The following NNT variants were observed in gnomAD, a reference collection of about 807,000 sequenced individuals.
The protein encoded by NNT is NAD(P) transhydrogenase, mitochondrial.
In NNT, 50 loss-of-function variants were observed where a neutral mutation model predicts 104.8. That is an observed-to-expected ratio of 0.48 (90% CI 0.38 to 0.60). The LOEUF is 0.60. Ranked by LOEUF, NNT falls within the 20% of genes least tolerant of loss-of-function variation. NNT has a pLI of 0.00. For missense variants in NNT, 1,131 were observed against 1,330.7 expected (o/e 0.85, Z 2.33); for synonymous variants, 461 against 490.4 (o/e 0.94, Z 0.79).
At chr5:43,652,875 A>G (rs1481577805) in intron 13 of NNT, 143 bp from the exon 14 acceptor site, 2 of 570,120 alleles carry the variant, frequency 3.5e-6, no homozygotes, top group East Asian at 5.8e-5. Flanking sequence ...AGAAAAAATC[A>G]ATTTATATAA....
At chr5:43,654,497 C>A (rs1396594578) in intron 14 of NNT, among the ~76,000 whole-genome samples, 2 of 152,202 alleles carry the variant, frequency 1.3e-5, no homozygotes, top group Admixed American at 1.3e-4. Context: ...GTGAAGTTCT[C>A]GCATACATTC....
At chr5:43,667,917 C>G (rs951690024) in intron 17 of NNT, among the ~76,000 whole-genome samples, 1 of 152,228 alleles carries the variant, frequency 6.6e-6, no homozygotes, top group Non-Finnish European at 1.5e-5. Flanking sequence ...TCTCCACATC[C>G]TCACCAGCAC....
In NNT at chr5:43,632,570, C is replaced by A. The variant is rs560457745; in HGVS notation, c.964+4183C>A. Reference sequence around the variant, plus strand: ...CTGATATCTTAAACCGTCATCTCACCCCCCTATTGGGTTGAGTGATGGGTT... The same window carrying A: ...CTGATATCTTAAACCGTCATCTCACACCCCTATTGGGTTGAGTGATGGGTT... On this transcript the variant is annotated intron_variant, in intron 7 of 21. Transcript: ENST00000344920. Among the ~76,000 whole-genome samples, 7 of 152,246 alleles carry A rather than the reference C, an allele frequency of 4.6e-5. No individual in the cohort carries two copies. In the South Asian group the frequency reaches 8.3e-4, roughly 18 times the overall value.
At chr5:43,682,912 T>C (rs972623498) in intron 19 of NNT, among the ~76,000 whole-genome samples, 1 of 152,224 alleles carries the variant, frequency 6.6e-6, no homozygotes, top group African/African-American at 2.4e-5. Context: ...AATTAATTGA[T>C]TAATTAATAG....
intron 4 of NNT, among the ~76,000 whole-genome samples, chr5:43,616,273 T>C (rs1749782196): frequency 6.6e-6 from 1 of 152,236 alleles, no homozygotes; most frequent in African/African-American, 2.4e-5. Context: ...TCCTTTTTAA[T>C]CTTAATGAGT....
intron 7 of NNT, among the ~76,000 whole-genome samples, chr5:43,632,614 T>A (rs1161808514): frequency 6.6e-6 from 1 of 152,184 alleles, no homozygotes; most frequent in Non-Finnish European, 1.5e-5. Flanking sequence ...GAATTTCACT[T>A]AATGCAGGTA....
chr5:43,661,541 C>T (rs1337434913), intron 17 of NNT, among the ~76,000 whole-genome samples: 2 of 145,202 alleles, frequency 1.4e-5, no homozygotes, highest in African/African-American at 5.1e-5. Flanking sequence ...GGTATATCTC[C>T]CAATGCTATC....
intron 1 of NNT, among the ~76,000 whole-genome samples, chr5:43,604,695 C>A (rs554121474): frequency 3.9e-5 from 6 of 152,222 alleles, no homozygotes; most frequent in Non-Finnish European, 8.8e-5. Context: ...TTTATTTTTT[C>A]AAGTCTCGCT....
chr5:43,623,723 A>C (rs573726173), intron 5 of NNT, among the ~76,000 whole-genome samples: 6 of 152,328 alleles, frequency 3.9e-5, no homozygotes, highest in Admixed American at 6.5e-5. Flanking sequence ...GTTAATCTTC[A>C]ACATACGTAA....
intron 3 of NNT, among the ~76,000 whole-genome samples, chr5:43,614,636 T>A (rs1188258211): frequency 6.6e-6 from 1 of 152,224 alleles, no homozygotes; most frequent in Admixed American, 6.5e-5. Flanking sequence ...TGAGGTGAAA[T>A]GCTGTGAGAT....
chr5:43,606,186 C>T (rs1749217954), intron 1 of NNT, among the ~76,000 whole-genome samples: 1 of 152,072 alleles, frequency 6.6e-6, no homozygotes, highest in Admixed American at 6.6e-5. Context: ...GGTCTGGGAA[C>T]TCTTTGTCAG....
intron 17 of NNT, among the ~76,000 whole-genome samples, chr5:43,661,159 G>C (rs1740335500): frequency 6.6e-6 from 1 of 152,150 alleles, no homozygotes; most frequent in African/African-American, 2.4e-5. Context: ...GGGGAATTTG[G>C]AAAGGTGAAG....
chr5:43,604,431 C>T (rs755135242), intron 1 of NNT, among the ~76,000 whole-genome samples: 1 of 152,138 alleles, frequency 6.6e-6, no homozygotes, highest in Non-Finnish European at 1.5e-5. Flanking sequence ...GGCTGCTTAC[C>T]TTGGTGATAG....
At chr5:43,698,174 C>T (rs1031721535) in intron 19 of NNT, among the ~76,000 whole-genome samples, 1 of 151,232 alleles carries the variant, frequency 6.6e-6, no homozygotes, top group Non-Finnish European at 1.5e-5. Context: ...AATATATAAT[C>T]TTGTATTAAG....
chr5:43,604,348 C>A (rs974055973), intron 1 of NNT, among the ~76,000 whole-genome samples: 1 of 152,144 alleles, frequency 6.6e-6, no homozygotes, highest in Non-Finnish European at 1.5e-5. Context: ...TCATTGCACC[C>A]CTTTTATTTG....
At chr5:43,682,208 CTTTTTTTTTT>C (rs71610326) in intron 19 of NNT, among the ~76,000 whole-genome samples, 3 of 100,248 alleles carry the variant, frequency 3.0e-5, no homozygotes, top group Admixed American at 1.1e-4. Flanking sequence ...TAACTGGATT[CTTTTTTTTTT>C]TTTTTTTTTT....
At chr5:43,683,341 G>T (rs1301279552) in intron 19 of NNT, among the ~76,000 whole-genome samples, 3 of 152,176 alleles carry the variant, frequency 2.0e-5, no homozygotes, top group African/African-American at 7.2e-5. Flanking sequence ...TCCCAGATTG[G>T]CTTTATCTTG....
chr5:43,675,003 G>A (rs1741336375), intron 17 of NNT, among the ~76,000 whole-genome samples: 2 of 151,982 alleles, frequency 1.3e-5, no homozygotes, highest in African/African-American at 2.4e-5. Context: ...TAATTGATTT[G>A]GAAAATAAGA....
intron 10 of NNT, chr5:43,648,156 C>G (rs1739553084): frequency 8.9e-7 from 1 of 1,121,010 alleles, no homozygotes; most frequent in Non-Finnish European, 1.1e-6. Context: ...GGGCTATGCA[C>G]TGGAACTTTG....
Sources: allele counts gnomAD v4.1 joint callset (sites outside exome capture counted in the v4.1 genomes callset), GRCh38; gene constraint gnomAD v4.1.1; transcripts MANE v1.5; gene names NCBI Gene and HGNC (gene_info 2026-07-23, HGNC 2026-07-21).